The following METAP1 variants were observed in gnomAD, a reference collection of about 807,000 sequenced individuals.
METAP1 encodes the protein methionyl aminopeptidase 1.
In METAP1, 28 loss-of-function variants were observed where a neutral mutation model predicts 53.8. The observed-to-expected ratio is 0.52, with a 90% confidence interval of 0.39 to 0.71. The LOEUF (loss-of-function observed/expected upper bound fraction) is 0.71. METAP1 is among the 30% of genes least tolerant of loss of function. METAP1 has a pLI of 0.00. For synonymous variants in METAP1, 181 were observed against 165.7 expected (o/e 1.09, Z -0.71); for missense variants, 389 against 479.8 (o/e 0.81, Z 1.77).
chr4:99,030,442 T>C (rs141546290), intron 2 of METAP1, among the ~76,000 whole-genome samples: 3 of 152,318 alleles, frequency 2.0e-5, no homozygotes, highest in Admixed American at 6.5e-5. Context: ...TATTGCTCTG[T>C]TGGATCTTTT....
At chr4:99,003,920 C>G (rs772390878) in intron 1 of METAP1, among the ~76,000 whole-genome samples, 7 of 152,310 alleles carry the variant, frequency 4.6e-5, no homozygotes, top group Non-Finnish European at 7.3e-5. Context: ...GAAGCTGCCC[C>G]TTTCCCACCC....
At chr4:99,060,839 ATAAT>A (rs1233498579) in intron 10 of METAP1, among the ~76,000 whole-genome samples, 10 of 152,290 alleles carry the variant, frequency 6.6e-5, no homozygotes, top group African/African-American at 1.9e-4. Context: ...AATGATACAT[ATAAT>A]TAATTAAGGT....
At chr4:99,022,726 G>A (rs1164388584) in intron 1 of METAP1, 68 of 1,554,060 alleles carry the variant, frequency 4.4e-5, no homozygotes, top group Non-Finnish European at 5.6e-5. Context: ...AATGGGAGGG[G>A]CTGCACCTGT....
chr4:99,035,345 C>G (rs1205857919), intron 3 of METAP1, 55 bp from the exon 4 acceptor site: 2 of 1,279,826 alleles, frequency 1.6e-6, no homozygotes, highest in South Asian at 1.3e-5. Context: ...TTCTTTCTCC[C>G]CTCGTTTTAT....
chr4:99,021,112 G>C (rs1488304380), intron 1 of METAP1, among the ~76,000 whole-genome samples: 1 of 152,118 alleles, frequency 6.6e-6, no homozygotes, highest in Non-Finnish European at 1.5e-5. Flanking sequence ...TTTAGTGTTA[G>C]TTTCTTATTG....
chr4:99,025,343 A>G (rs1025658350), intron 1 of METAP1: 5 of 979,436 alleles, frequency 5.1e-6, no homozygotes, highest in Non-Finnish European at 6.1e-6. Flanking sequence ...TGTTTGAGTT[A>G]TAATTTTGCA....
At chr4:99,027,958 A>T (rs1724695646) in intron 1 of METAP1, among the ~76,000 whole-genome samples, 1 of 122,154 alleles carries the variant, frequency 8.2e-6, no homozygotes, top group South Asian at 3.0e-4. Context: ...AGTCCTAGGG[A>T]TTTTTTTTTC....
At chr4:98,995,911 C>G (rs1722593334) in intron 1 of METAP1, 44 bp downstream of exon 1, 1 of 1,446,966 alleles carries the variant, frequency 6.9e-7, no homozygotes, top group Non-Finnish European at 9.5e-7. Flanking sequence ...CTGCGGGACC[C>G]CTCCTCGCTT....
chr4:99,012,991 T>C (rs1013506733), intron 1 of METAP1, among the ~76,000 whole-genome samples: 4 of 152,166 alleles, frequency 2.6e-5, no homozygotes, highest in African/African-American at 9.7e-5. Flanking sequence ...AAGGAGTGTC[T>C]GGATTAAAAT....
Position 99,061,449 on chromosome 4 carries a change from T to C in METAP1, c.*132T>C, listed in dbSNP as rs1381530397. ...CTATAGATAAGAAAGGACTACAGCA[T>C]TTGATGTGTGTCCTCAAGAACTTGT... is the stretch of plus-strand genomic sequence containing the variant. On this transcript the variant is annotated 3_prime_UTR_variant, in exon 11 of 11. Coordinates refer to ENST00000296411, the MANE Select transcript of METAP1 (RefSeq NM_015143.3). 1.3e-6 allele frequency: 1 copy of C among 779,050 alleles called. No individual in the cohort carries two copies. Among genetic ancestry groups the C allele is most frequent in the Non-Finnish European group, 1.9e-6 (1 of 516,710 alleles). The allele number at this position is 779,050 out of a possible 1,614,324, so 48.3% of individuals were successfully genotyped here.
At chr4:99,026,740 A>G (rs758650813) in intron 1 of METAP1, 51 of 985,442 alleles carry the variant, frequency 5.2e-5, no homozygotes, top group Non-Finnish European at 6.0e-5. Flanking sequence ...GAGAAGGCAC[A>G]TTATTTAGGC....
intron 5 of METAP1, among the ~76,000 whole-genome samples, chr4:99,039,787 T>G (rs1725717661): frequency 6.6e-6 from 1 of 152,062 alleles, no homozygotes. Context: ...AGAGATGGGG[T>G]TTCACCATGT....
intron 1 of METAP1, chr4:99,006,016 A>G (rs1723160839): frequency 6.0e-6 from 1 of 166,684 alleles, no homozygotes; most frequent in African/African-American, 2.4e-5. Context: ...CTTTAGCATT[A>G]AACAAAAAAC....
chr4:99,061,336 ATCTCAGTACCTTCTTAC>A lies in METAP1; in HGVS notation c.*21_*37del. 6.2e-7 allele frequency: 1 copy of A among 1,602,102 alleles called. No individual in the cohort carries two copies. The highest frequency in any genetic ancestry group is 8.5e-7 in the Non-Finnish European group (1 of 1,171,600). On this transcript the variant is annotated 3_prime_UTR_variant, in exon 11 of 11. Transcript: ENST00000296411. ...ATTTTAATTTCTCCCAAGATGGCAC[ATCTCAGTACCTTCTTAC>A]TGTGCTATGCATTTTATTGAGAGTA...
chr4:98,998,956 A>G (rs1722786374), intron 1 of METAP1, among the ~76,000 whole-genome samples: 1 of 152,066 alleles, frequency 6.6e-6, no homozygotes, highest in South Asian at 2.1e-4. Context: ...AATTACAGGC[A>G]TGCACCACCA....
intron 1 of METAP1, among the ~76,000 whole-genome samples, chr4:98,996,424 T>C (rs1362463277): frequency 6.6e-6 from 1 of 152,222 alleles, no homozygotes; most frequent in Non-Finnish European, 1.5e-5. Context: ...GAACGCTAGC[T>C]AGCTCCAGCC....
rs1726008846 is a variant in METAP1, at chr4:99,043,322, T to C, written c.590T>C (p.Val197Ala). Residue 197 changes from valine (V) to alanine (A), a missense_variant, in exon 7 of 11, where the codon GTG becomes GCG. Physicochemically the swap from Val to Ala is moderately conservative, Grantham distance 64 (BLOSUM62 0). Coordinates refer to ENST00000296411, the MANE Select transcript of METAP1 (RefSeq NM_015143.3). ...YNFPKSCCTS[V>A]NEVICHGIPD... ...TTCCCAAAGTCTTGTTGTACCTCAG[T>C]GAATGAAGTCATTTGCCATGGAATA... is the stretch of plus-strand genomic sequence containing the variant. 6.2e-7 allele frequency: 1 copy of C among 1,606,962 alleles called. No homozygotes were observed. Among genetic ancestry groups the C allele is most frequent in the Non-Finnish European group, 8.5e-7 (1 of 1,176,078 alleles).
chr4:99,029,402 T>G (rs1277558592), intron 2 of METAP1, among the ~76,000 whole-genome samples: 2 of 152,222 alleles, frequency 1.3e-5, no homozygotes, highest in Admixed American at 1.3e-4. Flanking sequence ...TTTGAAGTTT[T>G]TTGTGTGACA....
At chr4:99,057,348 G>T (rs1334674918) in intron 9 of METAP1, among the ~76,000 whole-genome samples, 1 of 152,190 alleles carries the variant, frequency 6.6e-6, no homozygotes, top group Non-Finnish European at 1.5e-5. Context: ...TGAAACATCT[G>T]TCATTCTCCT....
Sources: gnomAD v4.1 joint callset for allele counts (sites outside exome capture counted in the v4.1 genomes callset) on GRCh38, gnomAD v4.1.1 for gene constraint, MANE v1.5 for transcripts, NCBI Gene and HGNC (gene_info 2026-07-23, HGNC 2026-07-21) for gene names.